Variants in SNX29 observed in about 807,000 individuals in gnomAD.
SNX29 encodes the protein sorting nexin-29.
Under a neutral mutation model 102.1 loss-of-function variants are expected in SNX29, and 78 were observed. The observed-to-expected ratio is 0.76, with a 90% CI of 0.64 to 0.92. The LOEUF is 0.92. SNX29 is among the 40% of genes least tolerant of loss of function. The pLI is 0.00. For synonymous variants in SNX29, 580 were observed against 414.5 expected (o/e 1.40, Z -4.85); for missense variants, 1,280 against 1,061.7 (o/e 1.21, Z -2.86).
At chr16:12,009,435 A>T (rs2056571155) in intron 3 of SNX29, among the ~76,000 whole-genome samples, 1 of 149,662 alleles carries the variant, frequency 6.7e-6, no homozygotes, top group Admixed American at 6.7e-5. Flanking sequence ...GTATATATAT[A>T]TTTTTATATG....
chr16:12,302,256 A>C (rs1022437684), intron 15 of SNX29, among the ~76,000 whole-genome samples: 1 of 152,230 alleles, frequency 6.6e-6, no homozygotes, highest in African/African-American at 2.4e-5. Context: ...CGTTCCGTCA[A>C]ACTTTATGAA....
At position 12,568,596 on chromosome 16, in the gene SNX29, C is replaced by A; in HGVS notation, c.2409C>A (p.Thr803=). Residue 803 remains threonine (T), a synonymous_variant, in exon 21 of 21, where the codon ACC becomes ACA. Coordinates refer to ENST00000566228, the MANE Select transcript of SNX29 (RefSeq NM_032167.5). ...PKLSRGQPRE[T]RNVEPQSGDL ...TGTCCCGGGGTCAGCCCCGGGAGAC[C>A]CGCAACGTGGAGCCCCAGAGCGGTG... The A allele has an allele frequency of 6.2e-7, 1 of 1,605,992 alleles. No homozygotes were observed. The highest frequency in any genetic ancestry group is 8.5e-7 in the Non-Finnish European group (1 of 1,179,820).
intron 14 of SNX29, among the ~76,000 whole-genome samples, chr16:12,264,057 T>C (rs1027659996): frequency 2.6e-5 from 4 of 152,232 alleles, no homozygotes; most frequent in African/African-American, 4.8e-5. Flanking sequence ...CCTCTGATGT[T>C]AACCTACGAG....
chr16:12,383,753 A>G lies in SNX29; in HGVS notation c.1900-14693A>G, dbSNP rs1256910535. On this transcript the variant is annotated intron_variant, in intron 16 of 20. Transcript: ENST00000566228. ...GCCCAGCCTGATGTAACATTAAAAA[A>G]AAAAGATACGTCAACTTTCTTTTTT... Among the ~76,000 whole-genome samples the G allele has an allele frequency of 4.0e-5, 6 of 151,674 alleles. 1 individual carries two copies. The South Asian group carries it at 1.0e-3, about 26-fold the overall frequency.
chr16:12,567,304 C>T (rs527258450), intron 20 of SNX29, among the ~76,000 whole-genome samples: 18 of 150,914 alleles, frequency 1.2e-4, no homozygotes, highest in Middle Eastern at 3.4e-3. Context: ...CAAGCCACAG[C>T]AGCACAGAGG....
chr16:12,484,479 C>G (rs762056326), intron 19 of SNX29, among the ~76,000 whole-genome samples: 6 of 152,192 alleles, frequency 3.9e-5, no homozygotes, highest in Non-Finnish European at 7.3e-5. Flanking sequence ...TTAAGACCCT[C>G]CAGTGACACC....
chr16:12,285,038 T>C (rs1017611343), intron 15 of SNX29, among the ~76,000 whole-genome samples: 1 of 152,258 alleles, frequency 6.6e-6, no homozygotes, highest in Non-Finnish European at 1.5e-5. Flanking sequence ...CCTCAGTTAC[T>C]TTTCTGAGCC....
intron 18 of SNX29, among the ~76,000 whole-genome samples, chr16:12,431,876 C>G (rs2085331381): frequency 6.6e-6 from 1 of 152,192 alleles, no homozygotes; most frequent in Non-Finnish European, 1.5e-5. Context: ...TTCATTCATT[C>G]TTTCTTTCAG....
At chr16:12,182,503 C>A (rs111437092) in intron 13 of SNX29, among the ~76,000 whole-genome samples, 1,866 of 152,238 alleles carry the variant, frequency 0.012, 31 homozygotes, top group Admixed American at 0.041. Context: ...CACTGTGCTG[C>A]AGTTGGTTCT....
intron 16 of SNX29, among the ~76,000 whole-genome samples, chr16:12,365,405 G>C (rs892418867): frequency 6.7e-6 from 1 of 150,138 alleles, no homozygotes; most frequent in African/African-American, 2.5e-5. Context: ...CAGGCTCTTC[G>C]GAGGCCGGGC....
intron 16 of SNX29, among the ~76,000 whole-genome samples, chr16:12,395,403 T>TC (rs1314838223): frequency 6.6e-6 from 1 of 152,220 alleles, no homozygotes; most frequent in African/African-American, 2.4e-5. Flanking sequence ...AGAAGTGGAT[T>TC]CCCCGTTGGT....
At chr16:12,513,904 A>G (rs2089746795) in intron 19 of SNX29, among the ~76,000 whole-genome samples, 1 of 152,174 alleles carries the variant, frequency 6.6e-6, no homozygotes, top group African/African-American at 2.4e-5. Context: ...AGTGGCAATA[A>G]CAGGAATTGC....
At chr16:12,542,014 A>G (rs893549431) in intron 20 of SNX29, among the ~76,000 whole-genome samples, 1 of 152,092 alleles carries the variant, frequency 6.6e-6, no homozygotes, top group Non-Finnish European at 1.5e-5. Flanking sequence ...CGTTTGCAGC[A>G]CCGCTCTGTT....
intron 16 of SNX29, among the ~76,000 whole-genome samples, chr16:12,387,742 A>G (rs2083387808): frequency 6.6e-6 from 1 of 152,130 alleles, no homozygotes; most frequent in South Asian, 2.1e-4. Flanking sequence ...ATCTGACCTT[A>G]AGACCCTTAA....
At chr16:12,045,359 A>C (rs2050043724) in intron 5 of SNX29, among the ~76,000 whole-genome samples, 1 of 151,914 alleles carries the variant, frequency 6.6e-6, no homozygotes, top group South Asian at 2.1e-4. Flanking sequence ...CTGGCGGGGA[A>C]GTTATGGCAT....
At chr16:12,516,481 G>A (rs1006727804) in intron 19 of SNX29, among the ~76,000 whole-genome samples, 250 of 109,464 alleles carry the variant, frequency 2.3e-3, no homozygotes, top group South Asian at 2.9e-3. Context: ...TCCCGTCTCA[G>A]AAAAAAAAAA....
At position 12,085,911 on chromosome 16, in the gene SNX29, C is replaced by T. The variant is rs1401737186; in HGVS notation, c.1402+6996C>T. 3.3e-5 allele frequency among the ~76,000 whole-genome samples: 5 copies of T among 152,282 alleles called. No individual in the cohort carries two copies. The East Asian group carries it at 9.6e-4, about 29-fold the overall frequency. ...GCTAGTAGAACAGATAGTTACTGAG[C>T]ACCTACTGTGTGCCAGACATGGTGT... On this transcript the variant is annotated intron_variant, in intron 11 of 20. Coordinates refer to ENST00000566228, the MANE Select transcript of SNX29 (RefSeq NM_032167.5).
intron 16 of SNX29, among the ~76,000 whole-genome samples, chr16:12,366,648 T>C (rs1183972126): frequency 6.6e-6 from 1 of 152,230 alleles, no homozygotes; most frequent in Admixed American, 6.5e-5. Flanking sequence ...CCAGGAACTT[T>C]GGGCCTCTGC....
intron 16 of SNX29, among the ~76,000 whole-genome samples, chr16:12,359,989 A>G (rs1303320860): frequency 1.3e-5 from 2 of 152,002 alleles, no homozygotes; most frequent in Non-Finnish European, 2.9e-5. Context: ...ATGCCTGGCT[A>G]ATTTTTGTAT....
Sources: gnomAD v4.1 joint callset for allele counts (sites outside exome capture counted in the v4.1 genomes callset) on GRCh38, gnomAD v4.1.1 for gene constraint, MANE v1.5 for transcripts, NCBI Gene and HGNC (gene_info 2026-07-23, HGNC 2026-07-21) for gene names.